Variants in LMO7 observed in about 807,000 individuals in gnomAD.
LMO7 encodes the protein LIM domain 7.
LMO7 carries 120 observed loss-of-function variants against 206.5 expected under a neutral mutation model. The ratio of observed to expected loss-of-function variants is 0.58; its 90% CI spans 0.50 to 0.68. The LOEUF (loss-of-function observed/expected upper bound fraction) is 0.68. Ranked by LOEUF, LMO7 falls within the 30% of genes least tolerant of loss-of-function variation. LMO7 has a pLI of 0.00. For synonymous variants in LMO7, 706 were observed against 681.5 expected, an observed-to-expected ratio of 1.04 and a Z score of -0.56; for missense variants, 1,959 against 1,957.9, an observed-to-expected ratio of 1.00 and a Z score of -0.01.
Position 75,822,808 on chromosome 13 carries a change from T to TTA in LMO7, c.2641-746_2641-745dup, listed in dbSNP as rs1014592175. Among the ~76,000 whole-genome samples the TTA allele has an allele frequency of 1.4e-3, 152 of 108,114 alleles. 1 individual carries two copies. The highest frequency in any genetic ancestry group is 0.014 in the Middle Eastern group (3 of 218). The allele number at this position is 108,114 out of a possible 152,430, so 70.9% of individuals were successfully genotyped here. A position where few individuals can be genotyped will look rare whatever the true frequency, so the allele number is the denominator to read the frequency against. On this transcript the variant is annotated intron_variant, in intron 14 of 30. Transcript: ENST00000377534. ...TATATATATATATAGTTTCTAAAAA[T>TTA]TATATATATATAATAAAATATATAT...
chr13:75,712,699 T>A (rs1465840725), intron 1 of LMO7, among the ~76,000 whole-genome samples: 4 of 152,310 alleles, frequency 2.6e-5, no homozygotes, highest in African/African-American at 7.2e-5. Flanking sequence ...CATAAATAAG[T>A]TTAAGAAGTG....
intron 4 of LMO7, among the ~76,000 whole-genome samples, chr13:75,775,498 AAAAT>A (rs1042491367): frequency 4.6e-5 from 7 of 152,262 alleles, no homozygotes; most frequent in African/African-American, 1.4e-4. Context: ...CTGCAAAGCA[AAAAT>A]AAATAAATAA....
intron 4 of LMO7, among the ~76,000 whole-genome samples, chr13:75,771,266 C>G (rs76779545): frequency 6.6e-6 from 1 of 151,814 alleles, no homozygotes; most frequent in African/African-American, 2.4e-5. Context: ...ACATATGTAC[C>G]TTAGAATAGA....
At chr13:75,838,764 G>A (rs2120060) in intron 20 of LMO7, among the ~76,000 whole-genome samples, 19,897 of 152,114 alleles carry the variant, frequency 0.13, 1,721 homozygotes, top group Admixed American at 0.22. Flanking sequence ...GAACAGGTGC[G>A]TTTTGAGATT....
Position 75,841,658 on chromosome 13 carries a change from T to C in LMO7, c.3706T>C (p.Ser1236Pro). The change falls in exon 24 of 31, where the codon TCT becomes CCT. Residue 1236 changes from serine to proline, a missense_variant. Transcript: ENST00000377534. ...ELMVLSSNSM[S>P]LTTREPSLAT... Reference sequence around the variant, plus strand: ...GATGGTCCTAAGCTCAAACAGCATGTCTCTGACCACACGGGAGCCCTCTCT... The same window carrying C: ...GATGGTCCTAAGCTCAAACAGCATGCCTCTGACCACACGGGAGCCCTCTCT... The C allele has an allele frequency of 6.2e-7, 1 of 1,613,944 alleles. No homozygotes were observed. The highest frequency in any genetic ancestry group is 1.1e-5 in the South Asian group (1 of 91,060).
chr13:75,827,934 G>C (rs1183486352), intron 15 of LMO7, among the ~76,000 whole-genome samples: 1 of 152,130 alleles, frequency 6.6e-6, no homozygotes, highest in Non-Finnish European at 1.5e-5. Flanking sequence ...CCTTATCATA[G>C]CTTCATACTG....
chr13:75,820,714 G>T (rs1410854020), intron 13 of LMO7, among the ~76,000 whole-genome samples: 1 of 152,230 alleles, frequency 6.6e-6, no homozygotes, highest in Admixed American at 6.5e-5. Flanking sequence ...TATACATCTT[G>T]CTGGGCATGG....
intron 1 of LMO7, among the ~76,000 whole-genome samples, chr13:75,668,824 G>C (rs928824974): frequency 3.9e-5 from 6 of 152,212 alleles, no homozygotes; most frequent in African/African-American, 1.2e-4. Flanking sequence ...ATCAGGGACA[G>C]GGAGCTAAGG....
chr13:75,710,008 T>C (rs1255354890), intron 1 of LMO7, among the ~76,000 whole-genome samples: 1 of 152,250 alleles, frequency 6.6e-6, no homozygotes, highest in Non-Finnish European at 1.5e-5. Flanking sequence ...GTTTCAGCTT[T>C]CTACATATGG....
chr13:75,730,216 C>T (rs1355304956), intron 3 of LMO7, among the ~76,000 whole-genome samples: 1 of 152,078 alleles, frequency 6.6e-6, no homozygotes, highest in Non-Finnish European at 1.5e-5. Context: ...CCAGTTCCTC[C>T]TTGTACCTCT....
intron 1 of LMO7, among the ~76,000 whole-genome samples, chr13:75,663,730 G>A (rs1225667869): frequency 1.3e-5 from 2 of 152,036 alleles, no homozygotes; most frequent in East Asian, 3.9e-4. Context: ...GCGCCTGGCC[G>A]TCAGTGAATT....
At chr13:75,760,302 G>T (rs1448725242) in intron 3 of LMO7, 2 of 947,988 alleles carry the variant, frequency 2.1e-6, no homozygotes, top group African/African-American at 1.8e-5. Flanking sequence ...TGAGGCAGGT[G>T]CAGGGAGTGA....
At chr13:75,808,301 C>T (rs1023696453) in intron 10 of LMO7, 102 bp downstream of exon 10, 19 of 1,321,892 alleles carry the variant, frequency 1.4e-5, no homozygotes, top group Middle Eastern at 2.7e-4. Flanking sequence ...CTCTGCATGT[C>T]GCGTGCCATT....
chr13:75,857,829 C>A, intron 30 of LMO7, 92 bp from the exon 31 acceptor site: 1 of 825,506 alleles, frequency 1.2e-6, no homozygotes, highest in Non-Finnish European at 1.9e-6. Flanking sequence ...CATTGGGCCA[C>A]TTTCTGAGTG....
chr13:75,817,758 A>G (rs372498266), intron 12 of LMO7, among the ~76,000 whole-genome samples: 150 of 152,320 alleles, frequency 9.8e-4, no homozygotes, highest in African/African-American at 3.3e-3. Context: ...ACTCAGAGCA[A>G]TATTTTGGCT....
At chr13:75,648,659 G>A (rs1334874177) in intron 1 of LMO7, among the ~76,000 whole-genome samples, 1 of 152,240 alleles carries the variant, frequency 6.6e-6, no homozygotes, top group Non-Finnish European at 1.5e-5. Context: ...GGAAGTGTAA[G>A]TAGATACTAT....
chr13:75,841,953 A>C lies in LMO7; in HGVS notation c.4001A>C (p.Glu1334Ala). The part of the protein sequence containing the change: ...EQKRQAEIER[E>A]TSVRIYQYRR... ...AAGCGCCAGGCAGAGATAGAGCGGG[A>C]AACATCAGTCAGAATATACCAGTAC... The change falls in exon 24 of 31, where the codon GAA (glutamate) becomes GCA (alanine). Residue 1334 changes from glutamate (E) to alanine (A), a missense_variant. Glu to Ala is a moderately radical substitution (Grantham distance 107). Coordinates refer to ENST00000377534, the MANE Select transcript of LMO7 (RefSeq NM_001306080.2). The C allele has an allele frequency of 6.2e-7, 1 of 1,612,228 alleles. No individual in the cohort carries two copies. Among genetic ancestry groups the C allele is most frequent in the Non-Finnish European group, 8.5e-7 (1 of 1,179,726 alleles).
At chr13:75,622,610 A>C (rs1411944693) in intron 1 of LMO7, among the ~76,000 whole-genome samples, 1 of 152,248 alleles carries the variant, frequency 6.6e-6, no homozygotes, top group Non-Finnish European at 1.5e-5. Flanking sequence ...GGATCAAACC[A>C]GAAATGGATG....
At chr13:75,781,941 G>A (rs1234799027) in intron 4 of LMO7, among the ~76,000 whole-genome samples, 3 of 152,128 alleles carry the variant, frequency 2.0e-5, no homozygotes, top group Admixed American at 6.5e-5. Context: ...AGAAGTGTCT[G>A]TTCATATCCT....
Sources: gnomAD v4.1 joint callset for allele counts (sites outside exome capture counted in the v4.1 genomes callset) on GRCh38, gnomAD v4.1.1 for gene constraint, MANE v1.5 for transcripts, NCBI Gene and HGNC (gene_info 2026-07-23, HGNC 2026-07-21) for gene names.